Variants in SGCD observed in about 807,000 individuals in gnomAD.
SGCD encodes delta-sarcoglycan.
A neutral mutation model predicts 36.6 loss-of-function variants in SGCD; 18 were observed. That is an observed-to-expected ratio of 0.49 (90% CI 0.34 to 0.73). The LOEUF (loss-of-function observed/expected upper bound fraction) is 0.73, where lower values mean the gene tolerates loss of function less well. Among genes scored for constraint, SGCD ranks in the 30% least tolerant of loss-of-function variants. The pLI, the probability that SGCD is intolerant of heterozygous loss-of-function variation, is 0.01. For missense variants in SGCD, 387 were observed against 346.7 expected (o/e 1.12, Z -0.92); for synonymous variants, 133 against 130.6 (o/e 1.02, Z -0.12).
intron 7 of SGCD, among the ~76,000 whole-genome samples, chr5:156,751,263 T>G (rs75628933): frequency 0.012 from 1,887 of 152,358 alleles, 24 homozygotes; most frequent in Non-Finnish European, 0.02. Context: ...TCAACATATG[T>G]TGAGATAATC....
chr5:156,055,109 C>T (rs1460891688), intron 1 of SGCD, among the ~76,000 whole-genome samples: 1 of 145,456 alleles, frequency 6.9e-6, no homozygotes, highest in Non-Finnish European at 1.5e-5. Context: ...AAACTTTCTC[C>T]AATTCTTTGC....
intron 1 of SGCD, among the ~76,000 whole-genome samples, chr5:156,010,207 TTATAGAGATTCTA>T (rs1758832234): frequency 6.6e-6 from 1 of 152,216 alleles, no homozygotes; most frequent in Non-Finnish European, 1.5e-5. Flanking sequence ...TTTCGGCCTA[TTATAGAGATTCTA>T]TACATAATAG....
chr5:156,286,023 A>G (rs1332564187), intron 3 of SGCD, among the ~76,000 whole-genome samples: 1 of 152,260 alleles, frequency 6.6e-6, no homozygotes, highest in East Asian at 1.9e-4. Context: ...GGATATGAAC[A>G]GACACTTCTC....
intron 7 of SGCD, among the ~76,000 whole-genome samples, chr5:156,684,008 C>T (rs1018137613): frequency 2.6e-5 from 4 of 152,160 alleles, no homozygotes; most frequent in African/African-American, 7.2e-5. Context: ...TTGATTGTCT[C>T]GTGTACAAAA....
chr5:156,036,950 T>G (rs58327079), intron 1 of SGCD, among the ~76,000 whole-genome samples: 1 of 152,062 alleles, frequency 6.6e-6, no homozygotes, highest in East Asian at 1.9e-4. Flanking sequence ...AAAACAGACA[T>G]GCAGAACCTC....
intron 1 of SGCD, among the ~76,000 whole-genome samples, chr5:155,871,443 C>A (rs1169077510): frequency 6.6e-6 from 1 of 151,968 alleles, no homozygotes; most frequent in Non-Finnish European, 1.5e-5. Flanking sequence ...ACATACCAGA[C>A]CTTATGCCAG....
At chr5:156,520,177 A>G (rs1186659688) in intron 4 of SGCD, among the ~76,000 whole-genome samples, 1 of 152,250 alleles carries the variant, frequency 6.6e-6, no homozygotes, top group East Asian at 1.9e-4. Context: ...GTCTCAAGAT[A>G]CAAAATCAAT....
intron 1 of SGCD, among the ~76,000 whole-genome samples, chr5:156,075,314 C>T (rs1180436546): frequency 6.6e-6 from 1 of 151,552 alleles, no homozygotes; most frequent in African/African-American, 2.4e-5. Context: ...AACATGCTGA[C>T]AATTTAAAAT....
intron 3 of SGCD, among the ~76,000 whole-genome samples, chr5:156,216,324 C>T (rs187780228): frequency 1.2e-4 from 18 of 152,120 alleles, no homozygotes; most frequent in African/African-American, 2.4e-4. Flanking sequence ...TAAATGTTCT[C>T]GCAACAAAAA....
chr5:156,367,157 C>T (rs1004041786), intron 3 of SGCD, among the ~76,000 whole-genome samples: 1 of 152,088 alleles, frequency 6.6e-6, no homozygotes, highest in Non-Finnish European at 1.5e-5. Flanking sequence ...TATAAAATGC[C>T]AGTTGTAAAC....
At chr5:155,731,143 G>A in the SGCD span, among the ~76,000 whole-genome samples, 2 of 152,004 alleles carry the variant, frequency 1.3e-5, no homozygotes. Flanking sequence ...GGACAGAGGG[G>A]CAGAAAGAGA....
At position 156,330,086 on chromosome 5, in the gene SGCD, T is replaced by G. The variant is rs373913100; in HGVS notation, c.3+507T>G. Among the ~76,000 whole-genome samples the G allele has an allele frequency of 2.7e-4, 41 of 151,714 alleles. 1 individual carries two copies. Among genetic ancestry groups the G allele is most frequent in the African/African-American group, 8.0e-4 (33 of 41,342 alleles). ...ATCGTTGGTTGTACATGTGTTGAGCTTCCCAAATCCAAAAATCTGAACTCT... is the reference window on the plus strand; with the variant it reads ...ATCGTTGGTTGTACATGTGTTGAGCGTCCCAAATCCAAAAATCTGAACTCT... On this transcript the variant is annotated intron_variant, in intron 2 of 8. Coordinates refer to ENST00000337851, the MANE Select transcript of SGCD (RefSeq NM_000337.6).
intron 6 of SGCD, among the ~76,000 whole-genome samples, chr5:156,618,141 G>C (rs1343673587): frequency 6.6e-6 from 1 of 152,182 alleles, no homozygotes; most frequent in Non-Finnish European, 1.5e-5. Context: ...AGTGGAACAT[G>C]GTTTCTCAGA....
chr5:156,448,126 C>A (rs1448148099), intron 3 of SGCD, among the ~76,000 whole-genome samples: 1 of 152,112 alleles, frequency 6.6e-6, no homozygotes, highest in African/African-American at 2.4e-5. Flanking sequence ...CTCAAGTCAC[C>A]TTTTCTGTAT....
At chr5:155,993,939 A>G (rs1758487081) in intron 1 of SGCD, among the ~76,000 whole-genome samples, 1 of 152,172 alleles carries the variant, frequency 6.6e-6, no homozygotes, top group Non-Finnish European at 1.5e-5. Flanking sequence ...AGGGAAAGAG[A>G]CATAGTTTCC....
intron 2 of SGCD, among the ~76,000 whole-genome samples, chr5:156,335,257 T>G (rs185359077): frequency 6.6e-6 from 1 of 152,358 alleles, no homozygotes; most frequent in African/African-American, 2.4e-5. Context: ...AAATATCTTC[T>G]GGTTCATCAG....
In SGCD at chr5:156,439,159, G is replaced by A. The variant is rs142505836; in HGVS notation, c.193-69442G>A. Among the ~76,000 whole-genome samples, 451 of 152,170 alleles carry A rather than the reference G, an allele frequency of 3.0e-3. 4 individuals are homozygous for A. The highest frequency in any genetic ancestry group is 0.01 in the African/African-American group (433 of 41,544). ...CAGGCACTATTCCAAGGACCTTCAA[G>A]GTATAATCCCATTTAATACAGCAAC... On this transcript the variant is annotated intron_variant, in intron 3 of 8. Coordinates refer to ENST00000337851, the MANE Select transcript of SGCD (RefSeq NM_000337.6).
intron 1 of SGCD, among the ~76,000 whole-genome samples, chr5:155,920,937 G>A (rs138966034): frequency 6.6e-4 from 101 of 152,266 alleles, no homozygotes; most frequent in Non-Finnish European, 1.3e-3. Context: ...ACTTGGGTCT[G>A]GCTGGAGTGC....
the SGCD span, among the ~76,000 whole-genome samples, chr5:155,853,629 T>C: frequency 6.6e-6 from 1 of 152,228 alleles, no homozygotes; most frequent in East Asian, 1.9e-4. Flanking sequence ...TTGATAATGT[T>C]CTCTGTGTTC....
Sources: allele counts gnomAD v4.1 joint callset (sites outside exome capture counted in the v4.1 genomes callset), GRCh38; gene constraint gnomAD v4.1.1; transcripts MANE v1.5; gene names NCBI Gene and HGNC (gene_info 2026-07-23, HGNC 2026-07-21).